ASAP2: variants seen among roughly 807,000 people sequenced by gnomAD.
ASAP2 encodes the protein arf-GAP with SH3 domain, ANK repeat and PH domain-containing protein 2.
ASAP2 carries 45 observed loss-of-function variants against 131.4 expected under a neutral mutation model. The ratio of observed to expected loss-of-function variants is 0.34; its 90% CI spans 0.27 to 0.44. ASAP2 has a LOEUF of 0.44. ASAP2 is among the 20% of genes least tolerant of loss of function. ASAP2 has a pLI of 1.00. For missense variants in ASAP2, 1,011 were observed against 1,297.0 expected, an observed-to-expected ratio of 0.78 and a Z score of 3.39; for synonymous variants, 510 against 503.0, an observed-to-expected ratio of 1.01 and a Z score of -0.19.
At position 9,391,104 on chromosome 2, in the gene ASAP2, CTG is replaced by C. The variant is rs1558396863; in HGVS notation, c.2428_2429del (p.Val810LysfsTer87). On this transcript the variant is annotated frameshift_variant, in exon 23 of 28. Transcript: ENST00000281419. LOFTEE classifies it high-confidence loss of function. ...GCTAACACCCTGTGGAAGACAAACT[CTG>C]TAAGTGTGGACGGTGGAAGCCGGCA... 2 of 1,614,276 alleles carry C rather than the reference CTG, an allele frequency of 1.2e-6. No individual in the cohort carries two copies. Among genetic ancestry groups the C allele is most frequent in the Non-Finnish European group, 8.5e-7 (1 of 1,180,058 alleles).
At position 9,393,503 on chromosome 2, in the gene ASAP2, C is replaced by T. The variant is rs1477025802; in HGVS notation, c.2540C>T (p.Pro847Leu). The part of the protein sequence containing the change: ...TSTNPLTPTP[P>L]PPVAKTPSVM... ...GCAGATCCCCTGACCCCCACGCCGC[C>T]CCCACCCGTTGCCAAGACGCCCAGC... Residue 847 changes from proline (P) to leucine (L), a missense_variant, in exon 24 of 28, where the codon CCC becomes CTC. Physicochemically the swap from Pro to Leu is moderately conservative, Grantham distance 98. Transcript: ENST00000281419. The T allele has an allele frequency of 6.2e-7, 1 of 1,607,270 alleles. No homozygotes were observed. Among genetic ancestry groups the T allele is most frequent in the Non-Finnish European group, 8.5e-7 (1 of 1,177,356 alleles).
At chr2:9,317,692 CCT>C (rs980879601) in intron 3 of ASAP2, among the ~76,000 whole-genome samples, 2 of 150,118 alleles carry the variant, frequency 1.3e-5, no homozygotes, top group Non-Finnish European at 3.0e-5. Flanking sequence ...ATCCTGAAAC[CCT>C]CACACGCCCA....
In ASAP2 at chr2:9,311,945, T is replaced by A. The variant is rs1018741047; in HGVS notation, c.346-6579T>A. On this transcript the variant is annotated intron_variant, in intron 3 of 27. Transcript: ENST00000281419. The surrounding 1 kb of genome is among the most constrained non-coding windows in gnomAD (Gnocchi z 5.2). ...AGGCAAGCAGGCTGATGTCCAGGAG[T>A]CTGGAAGCTTTATTAGTGAAGCCAT... 6.6e-6 allele frequency among the ~76,000 whole-genome samples: 1 copy of A among 152,138 alleles called. No individual in the cohort carries two copies. The highest frequency in any genetic ancestry group is 1.5e-5 in the Non-Finnish European group (1 of 68,016).
At chr2:9,380,849 C>A in intron 20 of ASAP2, 41 bp downstream of exon 20, 1 of 1,597,814 alleles carries the variant, frequency 6.3e-7, no homozygotes, top group Non-Finnish European at 8.6e-7. Context: ...GCACCTGTCA[C>A]GGGACAGGGA....
intron 1 of ASAP2, among the ~76,000 whole-genome samples, chr2:9,257,843 A>T (rs1480306366): frequency 8.5e-5 from 13 of 152,170 alleles, no homozygotes; most frequent in African/African-American, 3.1e-4. Context: ...TTTTTAAGCA[A>T]AAAAAGAGAA....
intron 3 of ASAP2, among the ~76,000 whole-genome samples, chr2:9,316,169 A>T (rs886400732): frequency 2.0e-5 from 3 of 152,070 alleles, no homozygotes; most frequent in African/African-American, 7.2e-5. Flanking sequence ...CTACAAAAAA[A>T]AAATTAGCCA....
chr2:9,312,819 A>G (rs1669391970), intron 3 of ASAP2, among the ~76,000 whole-genome samples: 1 of 152,136 alleles, frequency 6.6e-6, no homozygotes, highest in South Asian at 2.1e-4. Context: ...CTGCGGCCAC[A>G]TGTGGCTCCT....
At chr2:9,293,766 A>T (rs1294649972) in intron 2 of ASAP2, among the ~76,000 whole-genome samples, 2 of 152,160 alleles carry the variant, frequency 1.3e-5, no homozygotes, top group Non-Finnish European at 2.9e-5. Context: ...GTTCATTTGC[A>T]GGATGAAAAA....
Position 9,207,663 on chromosome 2 carries a change from C to T in ASAP2, c.126+433C>T, listed in dbSNP as rs1024716807. Among the ~76,000 whole-genome samples the T allele has an allele frequency of 1.3e-5, 2 of 152,056 alleles. No homozygotes were observed. The highest frequency in any genetic ancestry group is 2.9e-5 in the Non-Finnish European group (2 of 67,962). On this transcript the variant is annotated intron_variant, in intron 1 of 27. Transcript: ENST00000281419. This position sits in a 1 kb window ranked among gnomAD's most constrained non-coding sequence, Gnocchi z 4.1. ...CGCGCTCCGAGCTCCCCGCCGCAGC[C>T]CCCGAGCGCCGCAGGGCCCCCACCC...
At chr2:9,376,345 A>G (rs915670900) in intron 17 of ASAP2, among the ~76,000 whole-genome samples, 1 of 152,220 alleles carries the variant, frequency 6.6e-6, no homozygotes, top group African/African-American at 2.4e-5. Context: ...CACCTGCTGA[A>G]ACAATCCTTG....
intron 11 of ASAP2, among the ~76,000 whole-genome samples, chr2:9,345,331 T>G (rs1671892597): frequency 6.6e-6 from 1 of 152,172 alleles, no homozygotes; most frequent in African/African-American, 2.4e-5. Context: ...AAGGCCTCTT[T>G]CCATCATCCT....
In ASAP2 at chr2:9,356,182, G is replaced by A. The variant is rs1487381984; in HGVS notation, c.1164G>A (p.Trp388Ter). The change falls in exon 14 of 28, where the codon TGG (tryptophan) becomes TGA (stop). Residue 388 changes from tryptophan to a stop codon, truncating the protein, a stop_gained. Transcript: ENST00000281419. LOFTEE classifies it high-confidence loss of function. The part of the protein sequence containing the change: ...QAEDEQECQI[W>*]MSVLQNSKEE... ...AGCGTTGCTCTTGTTTTTCTAGATG[G>A]ATGTCTGTGCTGCAAAATAGCAAAG... The A allele has an allele frequency of 1.2e-6, 2 of 1,614,076 alleles. No individual in the cohort carries two copies. The highest frequency in any genetic ancestry group is 1.3e-5 in the African/African-American group (1 of 75,050).
chr2:9,244,539 CAGTT>C (rs1412764491), intron 1 of ASAP2, among the ~76,000 whole-genome samples: 1 of 152,200 alleles, frequency 6.6e-6, no homozygotes, highest in Non-Finnish European at 1.5e-5. Context: ...GTGTGCGACA[CAGTT>C]AATGTCCACG....
chr2:9,393,678 G>T, intron 24 of ASAP2, 31 bp downstream of exon 24: 1 of 1,542,282 alleles, frequency 6.5e-7, no homozygotes, highest in Non-Finnish European at 8.7e-7. Flanking sequence ...TCGGCCATCC[G>T]TGCTCCTGCC....
At chr2:9,209,242 G>A (rs1336115836) in intron 1 of ASAP2, among the ~76,000 whole-genome samples, 3 of 152,196 alleles carry the variant, frequency 2.0e-5, no homozygotes, top group Non-Finnish European at 2.9e-5. Context: ...CTACATACAT[G>A]CTATGATGAT....
chr2:9,373,067 C>T (rs1452787102), intron 16 of ASAP2, among the ~76,000 whole-genome samples: 1 of 152,154 alleles, frequency 6.6e-6, no homozygotes, highest in Non-Finnish European at 1.5e-5. Context: ...ATCTCACACA[C>T]AAGTCAGCCA....
chr2:9,358,913 A>G, intron 15 of ASAP2, 24 bp downstream of exon 15: 1 of 1,593,166 alleles, frequency 6.3e-7, no homozygotes, highest in Non-Finnish European at 8.6e-7. Flanking sequence ...CCTTGATTTC[A>G]GATTGGAAAC....
At position 9,391,126 on chromosome 2, in the gene ASAP2, C is replaced by T. The variant is rs1183277624; in HGVS notation, c.2448C>T (p.Ser816=). The change falls in exon 23 of 28, where the codon AGC becomes AGT. Residue 816 remains serine, a synonymous_variant. Coordinates refer to ENST00000281419, the MANE Select transcript of ASAP2 (RefSeq NM_003887.3). ...ACTCTGTAAGTGTGGACGGTGGAAGCCGGCAGCGATCTTCGTCAGATCCGC... is the reference window on the plus strand; with the variant it reads ...ACTCTGTAAGTGTGGACGGTGGAAGTCGGCAGCGATCTTCGTCAGATCCGC... ...KTNSVSVDGG[S]RQRSSSDPPA... 6.2e-7 allele frequency: 1 copy of T among 1,614,086 alleles called. No individual in the cohort carries two copies. Among genetic ancestry groups the T allele is most frequent in the Non-Finnish European group, 8.5e-7 (1 of 1,179,982 alleles).
intron 1 of ASAP2, among the ~76,000 whole-genome samples, chr2:9,251,621 G>A (rs941061529): frequency 6.6e-6 from 1 of 152,130 alleles, no homozygotes; most frequent in African/African-American, 2.4e-5. Flanking sequence ...GGGACTCAGT[G>A]ACCCTTGGGA....
Sources: gnomAD v4.1 joint callset for allele counts (sites outside exome capture counted in the v4.1 genomes callset) on GRCh38, gnomAD v4.1.1 for gene constraint, Gnocchi (gnomAD v3.1) non-coding constraint, MANE v1.5 for transcripts, NCBI Gene and HGNC (gene_info 2026-07-23, HGNC 2026-07-21) for gene names.